ETF1: variants seen among roughly 807,000 people sequenced by gnomAD.
The protein encoded by ETF1 is eukaryotic peptide chain release factor subunit 1.
ETF1 carries 4 observed loss-of-function variants against 55.1 expected under a neutral mutation model. The ratio of observed to expected loss-of-function variants is 0.07; its 90% CI spans 0.04 to 0.17. The LOEUF is 0.17. Among genes scored for constraint, ETF1 ranks in the 10% least tolerant of loss-of-function variants. The probability of loss-of-function intolerance (pLI) is 1.00; values close to 1 mark genes in which losing one functional copy is unlikely to be tolerated. For synonymous variants in ETF1, 157 were observed against 182.3 expected, an observed-to-expected ratio of 0.86 and a Z score of 1.12; for missense variants, 142 against 523.6, an observed-to-expected ratio of 0.27 and a Z score of 7.11.
intron 8 of ETF1, 91 bp from the exon 9 acceptor site, chr5:138,510,720 C>A: frequency 2.0e-6 from 3 of 1,512,718 alleles, no homozygotes; most frequent in Non-Finnish European, 1.8e-6. Context: ...GAGAAAAGGG[C>A]TCAGGGACTC....
intron 2 of ETF1, among the ~76,000 whole-genome samples, chr5:138,528,175 C>T (rs1043317088): frequency 6.6e-6 from 1 of 152,086 alleles, no homozygotes; most frequent in Admixed American, 6.6e-5. Context: ...GGAATGAAAA[C>T]GGATGGCAAA....
chr5:138,538,579 T>C (rs1766045281), intron 2 of ETF1, among the ~76,000 whole-genome samples: 2 of 152,164 alleles, frequency 1.3e-5, no homozygotes, highest in South Asian at 4.1e-4. Context: ...AAGTCTTCTT[T>C]ATGAGCCTGA....
At chr5:138,520,294 G>A (rs1765180608) in intron 2 of ETF1, among the ~76,000 whole-genome samples, 1 of 151,472 alleles carries the variant, frequency 6.6e-6, no homozygotes, top group African/African-American at 2.4e-5. Context: ...GAATGATTCT[G>A]AGAGACCCTT....
Position 138,518,432 on chromosome 5 carries a change from C to T in ETF1, c.262+260G>A, listed in dbSNP as rs549259076. Among the ~76,000 whole-genome samples, 18 of 152,088 alleles carry T rather than the reference C, an allele frequency of 1.2e-4. No homozygotes were observed. In the South Asian group the frequency reaches 3.5e-3, roughly 30 times the overall value. The stretch of plus-strand genomic sequence containing the variant: ...CACACCATGTTGTCCAGGCTGGTCT[C>T]GAACTCCTGACCTCAAGTGATCCAC... On this transcript the variant is annotated intron_variant, in intron 3 of 10. Transcript: ENST00000360541.
intron 2 of ETF1, 47 bp downstream of exon 2, chr5:138,542,786 G>C: frequency 1.9e-6 from 3 of 1,604,812 alleles, no homozygotes; most frequent in Non-Finnish European, 2.6e-6. Flanking sequence ...CATCCTGAGG[G>C]GTCCGGGAAC....
chr5:138,542,975 CAG>C, intron 1 of ETF1, 39 bp from the exon 2 acceptor site: 4 of 1,589,216 alleles, frequency 2.5e-6, no homozygotes, highest in Non-Finnish European at 2.6e-6. Flanking sequence ...ACCAAGACCA[CAG>C]AGTTAGCGCC....
intron 7 of ETF1, 32 bp from the exon 8 acceptor site, chr5:138,511,232 A>G (rs775790689): frequency 2.8e-5 from 45 of 1,606,456 alleles, no homozygotes; most frequent in Non-Finnish European, 3.7e-5. Context: ...CAGGATATAT[A>G]TTAAAGTTTC....
intron 4 of ETF1, among the ~76,000 whole-genome samples, chr5:138,516,371 AACACAC>A (rs3884296): frequency 6.6e-6 from 1 of 150,662 alleles, no homozygotes; most frequent in Non-Finnish European, 1.5e-5. Context: ...CAAAAATCAA[AACACAC>A]ACACACACAC....
At chr5:138,528,385 A>C (rs561529309) in intron 2 of ETF1, among the ~76,000 whole-genome samples, 1 of 152,264 alleles carries the variant, frequency 6.6e-6, no homozygotes, top group Non-Finnish European at 1.5e-5. Context: ...CACTGCTGAT[A>C]GTTTAAGAAG....
At chr5:138,509,508 T>C (rs1190505259) in intron 9 of ETF1, among the ~76,000 whole-genome samples, 1 of 152,112 alleles carries the variant, frequency 6.6e-6, no homozygotes, top group African/African-American at 2.4e-5. Flanking sequence ...ACGTCTGTAA[T>C]CTCACCACTC....
At chr5:138,512,495 C>T (rs368279039) in intron 6 of ETF1, among the ~76,000 whole-genome samples, 18 of 151,918 alleles carry the variant, frequency 1.2e-4, no homozygotes, top group African/African-American at 4.3e-4. Flanking sequence ...CTCCATTCTA[C>T]AGCCAATTCT....
intron 6 of ETF1, among the ~76,000 whole-genome samples, chr5:138,512,231 T>A (rs1201930103): frequency 0.23 from 2,384 of 10,422 alleles, 45 homozygotes; most frequent in East Asian, 0.31. Context: ...AAAAAATATA[T>A]ATATATATAT....
Position 138,511,456 on chromosome 5 carries a change from A to G in ETF1, c.862+19T>C, listed in dbSNP as rs372716632. On this transcript the variant is annotated intron_variant, in intron 7 of 10. Coordinates refer to ENST00000360541, the MANE Select transcript of ETF1 (RefSeq NM_004730.4). ...CACGAAAACATTTCACAGAATAAGT[A>G]GTTGCATTTCACCGATACCTATTAA... 3.3e-5 allele frequency: 53 copies of G among 1,612,840 alleles called. No homozygotes were observed. Among genetic ancestry groups the G allele is most frequent in the Non-Finnish European group, 4.2e-5 (49 of 1,179,486 alleles).
intron 4 of ETF1, among the ~76,000 whole-genome samples, chr5:138,514,846 A>G (rs1410255538): frequency 6.6e-6 from 1 of 152,226 alleles, no homozygotes; most frequent in East Asian, 1.9e-4. Flanking sequence ...GGACATACAT[A>G]GATAAGAGTT....
At chr5:138,543,043 C>T in intron 1 of ETF1, 54 bp downstream of exon 1, 1 of 969,104 alleles carries the variant, frequency 1.0e-6, no homozygotes, top group South Asian at 1.5e-5. Flanking sequence ...CCTCTCCTCC[C>T]GTCCGGTGCA....
At chr5:138,537,022 G>A (rs113005757) in intron 2 of ETF1, among the ~76,000 whole-genome samples, 11 of 152,152 alleles carry the variant, frequency 7.2e-5, no homozygotes, top group Non-Finnish European at 1.5e-4. Context: ...ATTACAATAG[G>A]AGGTCTGTCA....
At chr5:138,541,474 G>A in intron 2 of ETF1, 2 of 1,373,342 alleles carry the variant, frequency 1.5e-6, no homozygotes, top group East Asian at 2.5e-5. Flanking sequence ...ATTCCAAACA[G>A]AACTGTCCCT....
intron 2 of ETF1, among the ~76,000 whole-genome samples, chr5:138,519,564 G>A (rs1459942774): frequency 6.6e-6 from 1 of 151,748 alleles, no homozygotes; most frequent in African/African-American, 2.4e-5. Context: ...TCAGGTGGCT[G>A]AGGCACGAGA....
At position 138,506,327 on chromosome 5, in the gene ETF1, C is replaced by T. The variant is rs2127054302; in HGVS notation, c.*1978G>A. On this transcript the variant is annotated 3_prime_UTR_variant, in exon 11 of 11. Coordinates refer to ENST00000360541, the MANE Select transcript of ETF1 (RefSeq NM_004730.4). The stretch of plus-strand genomic sequence containing the variant: ...AGAGAACACATTGATTAAAGAAATA[C>T]AAAAATTTGGCATCATTTCCAAACT... 1 of 152,524 alleles carries T rather than the reference C, an allele frequency of 6.6e-6. No homozygotes were observed. Among genetic ancestry groups the T allele is most frequent in the East Asian group, 1.9e-4 (1 of 5,174 alleles). The allele number at this position is 152,524 out of a possible 1,614,324, so 9.4% of individuals were successfully genotyped here.
Sources: allele counts gnomAD v4.1 joint callset (sites outside exome capture counted in the v4.1 genomes callset), GRCh38; gene constraint gnomAD v4.1.1; transcripts MANE v1.5; gene names NCBI Gene and HGNC (gene_info 2026-07-23, HGNC 2026-07-21).